SLC66A1: variants seen among roughly 807,000 people sequenced by gnomAD.
The protein encoded by SLC66A1 is solute carrier family 66 member 1, also known as lysosomal amino acid transporter 1 homolog.
Under a neutral mutation model 33.0 loss-of-function variants are expected in SLC66A1, and 23 were observed. The observed-to-expected ratio is 0.70, with a 90% CI of 0.50 to 0.99. The LOEUF is 0.99. Among genes scored for constraint, SLC66A1 ranks in the 50% least tolerant of loss-of-function variants. SLC66A1 has a pLI of 0.00. For synonymous variants in SLC66A1, 164 were observed against 175.5 expected, an observed-to-expected ratio of 0.93 and a Z score of 0.52; for missense variants, 335 against 383.6, an observed-to-expected ratio of 0.87 and a Z score of 1.06.
chr1:19,319,008 T>A (rs1018647936), intron 2 of SLC66A1, among the ~76,000 whole-genome samples: 1 of 151,616 alleles, frequency 6.6e-6, no homozygotes, highest in Non-Finnish European at 1.5e-5. Flanking sequence ...AGAGGTGAGG[T>A]CACAGGAGTC....
In SLC66A1 at chr1:19,312,564, A is replaced by T. The variant is rs2093782571; in HGVS notation, c.-404A>T. 1 of 152,940 alleles carries T rather than the reference A, an allele frequency of 6.5e-6. No homozygotes were observed. The highest frequency in any genetic ancestry group is 2.4e-5 in the African/African-American group (1 of 41,498). 9.5% of individuals were successfully genotyped at this position (152,940 alleles called of 1,614,324 possible). Reference sequence around the variant, plus strand: ...TCCGCAGCCAGTGGCCCCCCACCTCAAAGGCGACCAGCGCGGCCTCTCGAG... The same window carrying T: ...TCCGCAGCCAGTGGCCCCCCACCTCTAAGGCGACCAGCGCGGCCTCTCGAG... On this transcript the variant is annotated 5_prime_UTR_variant, in exon 1 of 8. Coordinates refer to ENST00000375153, the MANE Select transcript of SLC66A1 (RefSeq NM_001040125.2).
intron 2 of SLC66A1, among the ~76,000 whole-genome samples, chr1:19,324,353 A>G (rs961591288): frequency 6.6e-6 from 1 of 152,222 alleles, no homozygotes; most frequent in African/African-American, 2.4e-5. Flanking sequence ...TGGAGACCCC[A>G]GGGTGTGGTA....
chr1:19,328,985 A>G lies in SLC66A1; in HGVS notation c.*342A>G, dbSNP rs977006629. 24 of 364,484 alleles carry G rather than the reference A, an allele frequency of 6.6e-5. No individual in the cohort carries two copies. The highest frequency in any genetic ancestry group is 4.4e-4 in the African/African-American group (21 of 47,848). The allele number at this position is 364,484 out of a possible 1,614,324, so 22.6% of individuals were successfully genotyped here. On this transcript the variant is annotated 3_prime_UTR_variant, in exon 8 of 8. Coordinates refer to ENST00000375153, the MANE Select transcript of SLC66A1 (RefSeq NM_001040125.2). The surrounding 1 kb of genome is among the most constrained non-coding windows in gnomAD (Gnocchi z 4.7). ...ACAACTGAATAAACAGGCCGGGTACAGTGGCTCGCACCTGTAATCCTAGCA... is the reference window on the plus strand; with the variant it reads ...ACAACTGAATAAACAGGCCGGGTACGGTGGCTCGCACCTGTAATCCTAGCA...
intron 4 of SLC66A1, 56 bp downstream of exon 4, chr1:19,325,638 T>A (rs214315): frequency 2.9e-5 from 24 of 826,766 alleles, no homozygotes; most frequent in South Asian, 1.2e-4. Context: ...GGGGCAGTTG[T>A]GGGGGGGGGC....
intron 2 of SLC66A1, among the ~76,000 whole-genome samples, chr1:19,318,072 C>G (rs978231517): frequency 1.3e-5 from 2 of 152,316 alleles, no homozygotes; most frequent in Admixed American, 1.3e-4. Context: ...TGAGTGCCCA[C>G]CATATACCTG....
chr1:19,323,872 G>A (rs2093849890), intron 2 of SLC66A1, among the ~76,000 whole-genome samples: 1 of 152,216 alleles, frequency 6.6e-6, no homozygotes, highest in African/African-American at 2.4e-5. Flanking sequence ...CAGGCCCAGT[G>A]AGGAGGTCAT....
At chr1:19,326,693 G>A in intron 6 of SLC66A1, 70 bp downstream of exon 6, 1 of 1,498,058 alleles carries the variant, frequency 6.7e-7, no homozygotes. Context: ...GGCCCTCTGG[G>A]CTAAGGAGTA....
intron 1 of SLC66A1, among the ~76,000 whole-genome samples, chr1:19,315,123 G>C (rs909671907): frequency 6.6e-6 from 1 of 152,216 alleles, no homozygotes; most frequent in Admixed American, 6.5e-5. Flanking sequence ...TGGCCAGGCT[G>C]TTCTCCAGCT....
In SLC66A1 at chr1:19,327,085, G is replaced by C. The variant is rs965171212; in HGVS notation, c.619-142G>C. ...GTGGGAGGAGGCTCTTCTGTGTGTCGGGCCCATATCCCTGGGCACCCAGGG... is the reference window on the plus strand; with the variant it reads ...GTGGGAGGAGGCTCTTCTGTGTGTCCGGCCCATATCCCTGGGCACCCAGGG... On this transcript the variant is annotated intron_variant, in intron 6 of 7. Transcript: ENST00000375153. The C allele has an allele frequency of 1.1e-5, 9 of 845,846 alleles. No homozygotes were observed. In the Admixed American group the frequency reaches 2.1e-4, roughly 20 times the overall value. The allele number at this position is 845,846 out of a possible 1,614,324, so 52.4% of individuals were successfully genotyped here.
At chr1:19,326,444 C>T in intron 5 of SLC66A1, 57 bp downstream of exon 5, 12 of 1,610,392 alleles carry the variant, frequency 7.5e-6, no homozygotes, top group South Asian at 1.1e-5. Flanking sequence ...CCAGGGCTCT[C>T]CCCTGCACAG....
intron 3 of SLC66A1, 23 bp downstream of exon 3, chr1:19,324,785 T>G (rs1184476314): frequency 6.2e-7 from 1 of 1,612,954 alleles, no homozygotes; most frequent in East Asian, 2.2e-5. Context: ...CCGGGCAAGG[T>G]GGCGCTACCC....
At chr1:19,319,422 A>G (rs1345709477) in intron 2 of SLC66A1, among the ~76,000 whole-genome samples, 1 of 152,134 alleles carries the variant, frequency 6.6e-6, no homozygotes, top group Non-Finnish European at 1.5e-5. Flanking sequence ...CTTTCACTTA[A>G]CATAATGTCT....
rs1052945846 is a variant in SLC66A1 at position 19,321,753 on chromosome 1, G to C, written c.165-2880G>C. ...GGCAAATTTTTGCATTTTTAGTAAA[G>C]ATGGGGTTTCACCATGTTGGCTAGG... is the stretch of plus-strand genomic sequence containing the variant. On this transcript the variant is annotated intron_variant, in intron 2 of 7. Transcript: ENST00000375153. 1.3e-5 allele frequency among the ~76,000 whole-genome samples: 2 copies of C among 149,836 alleles called. 1 individual carries two copies. Among genetic ancestry groups the C allele is most frequent in the African/African-American group, 5.1e-5 (2 of 39,246 alleles).
chr1:19,320,747 C>G (rs2093832601), intron 2 of SLC66A1, among the ~76,000 whole-genome samples: 1 of 149,198 alleles, frequency 6.7e-6, no homozygotes, highest in Non-Finnish European at 1.5e-5. Flanking sequence ...TAGTCTTGCT[C>G]TGTTGCCCAG....
chr1:19,327,999 G>A (rs762709409), intron 7 of SLC66A1: 19 of 253,108 alleles, frequency 7.5e-5, no homozygotes, highest in South Asian at 4.0e-4. Flanking sequence ...CTGTGCTGCC[G>A]TGTCTTCACC....
At chr1:19,319,605 G>GTTTTTTTTTTTTTTTTCTTTTTT (rs569177720) in intron 2 of SLC66A1, among the ~76,000 whole-genome samples, 1 of 111,870 alleles carries the variant, frequency 8.9e-6, no homozygotes, top group African/African-American at 4.0e-5. Context: ...GCACATTCAT[G>GTTTTTTTTTTTTTTTTCTTTTTT]TTTTTTTTTT....
intron 6 of SLC66A1, 41 bp from the exon 7 acceptor site, chr1:19,327,186 G>C (rs751495150): frequency 9.7e-5 from 150 of 1,539,348 alleles, no homozygotes; most frequent in Non-Finnish European, 1.3e-4. Context: ...AGTGACAAGA[G>C]GCCTGTTCGA....
At position 19,317,698 on chromosome 1, in the gene SLC66A1, C is replaced by G. The variant is rs772436993; in HGVS notation, c.21C>G (p.Gly7=). The G allele has an allele frequency of 1.9e-6, 3 of 1,614,124 alleles. No homozygotes were observed. The highest frequency in any genetic ancestry group is 2.5e-6 in the Non-Finnish European group (3 of 1,179,968). The change falls in exon 2 of 8, where the codon GGC becomes GGG. Residue 7 remains glycine, a synonymous_variant. Coordinates refer to ENST00000375153, the MANE Select transcript of SLC66A1 (RefSeq NM_001040125.2). ...CAGCCATGGTCTGGAAGAAACTGGGCTCCCGCAACTTCTCCAGCTGCCCCA... is the reference window on the plus strand; with the variant it reads ...CAGCCATGGTCTGGAAGAAACTGGGGTCCCGCAACTTCTCCAGCTGCCCCA... MVWKKL[G]SRNFSSCPSG...
rs1261015225 is a variant in SLC66A1 at position 19,327,234 on chromosome 1, G to A, written c.626G>A (p.Arg209Gln). 5 of 1,613,490 alleles carry A rather than the reference G, an allele frequency of 3.1e-6. No individual in the cohort carries two copies. The highest frequency in any genetic ancestry group is 3.4e-6 in the Non-Finnish European group (4 of 1,179,594). Residue 209 changes from arginine to glutamine, a missense_variant, in exon 7 of 8, where the codon CGG becomes CAG. By Grantham distance (43) the Arg-to-Gln change is conservative. Transcript: ENST00000375153. ...RLPQIRTNFL[R>Q]KSTQGISYSL... ...GACCTCCTCCTGCCCCAGTTCCTCC[G>A]GAAGTCCACCCAGGGGATCTCCTAC...
Sources: allele counts gnomAD v4.1 joint callset (sites outside exome capture counted in the v4.1 genomes callset), GRCh38; gene constraint gnomAD v4.1.1; non-coding constraint Gnocchi (gnomAD v3.1); transcripts MANE v1.5; gene names NCBI Gene and HGNC (gene_info 2026-07-23, HGNC 2026-07-21).